Variants in BPIFB6 observed in about 807,000 individuals in gnomAD.
BPIFB6 encodes the protein BPI fold containing family B member 6.
Under a neutral mutation model 54.7 loss-of-function variants are expected in BPIFB6, and 47 were observed. The ratio of observed to expected loss-of-function variants is 0.86; its 90% CI spans 0.68 to 1.10. The LOEUF (loss-of-function observed/expected upper bound fraction) is 1.10, where lower values mean the gene tolerates loss of function less well. BPIFB6 is among the 50% of genes least tolerant of loss of function. BPIFB6 has a pLI of 0.00. For missense variants in BPIFB6, 603 were observed against 564.1 expected (o/e 1.07, Z -0.70); for synonymous variants, 255 against 225.9 (o/e 1.13, Z -1.16).
At position 33,042,847 on chromosome 20, in the gene BPIFB6, T is replaced by C; in HGVS notation, c.1221T>C (p.Tyr407=). Residue 407 remains tyrosine, a synonymous_variant, in exon 13 of 15, where the codon TAT becomes TAC. Transcript: ENST00000349552. The stretch of plus-strand genomic sequence containing the variant: ...AATTAACTGGCTTCATCACCAGCTA[T>C]CTCGAAGAAGCCTACATCCCAGTTG... The part of the protein sequence containing the change: ...ERELTGFITS[Y]LEEAYIPVVN... 1 of 1,614,174 alleles carries C rather than the reference T, an allele frequency of 6.2e-7. No homozygotes were observed. The highest frequency in any genetic ancestry group is 8.5e-7 in the Non-Finnish European group (1 of 1,180,022).
intron 8 of BPIFB6, 132 bp downstream of exon 8, chr20:33,037,870 A>G: frequency 1.0e-6 from 1 of 952,566 alleles, no homozygotes; most frequent in Non-Finnish European, 1.6e-6. Context: ...GACCGATTTG[A>G]GTTTCTCTCA....
chr20:33,041,537 G>A (rs963018275), intron 11 of BPIFB6, among the ~76,000 whole-genome samples: 18 of 152,258 alleles, frequency 1.2e-4, no homozygotes, highest in South Asian at 1.0e-3. Flanking sequence ...GCCACCAGAT[G>A]GCCATCACAT....
At chr20:33,040,930 C>T (rs1347492045) in intron 11 of BPIFB6, among the ~76,000 whole-genome samples, 1 of 151,118 alleles carries the variant, frequency 6.6e-6, no homozygotes, top group Non-Finnish European at 1.5e-5. Context: ...CTTTAACTGG[C>T]TTAAGCCCCA....
At chr20:33,040,677 C>A (rs754388155) in intron 11 of BPIFB6, among the ~76,000 whole-genome samples, 1 of 152,226 alleles carries the variant, frequency 6.6e-6, no homozygotes, top group Non-Finnish European at 1.5e-5. Flanking sequence ...ACCTCCTCCA[C>A]GAAGCCTTTC....
intron 14 of BPIFB6, 62 bp downstream of exon 14, chr20:33,043,429 A>G: frequency 6.8e-7 from 1 of 1,475,132 alleles, no homozygotes. Flanking sequence ...AGTGATGAGC[A>G]AGAGCCTACC....
chr20:33,043,184 T>G, intron 13 of BPIFB6, 107 bp from the exon 14 acceptor site: 1 of 974,652 alleles, frequency 1.0e-6, no homozygotes. Context: ...CTGGCAGGCA[T>G]CATGAATCAA....
rs138205906 is a variant in BPIFB6 at position 33,041,508 on chromosome 20, T to G, written c.1143-462T>G. Among the ~76,000 whole-genome samples, 87 of 152,156 alleles carry G rather than the reference T, an allele frequency of 5.7e-4. 1 individual carries two copies. The highest frequency in any genetic ancestry group is 2.0e-3 in the African/African-American group (82 of 41,512). On this transcript the variant is annotated intron_variant, in intron 11 of 14. Coordinates refer to ENST00000349552, the MANE Select transcript of BPIFB6 (RefSeq NM_174897.2). ...GAAAATGGAGGATGTGTTACTGGAATAGAGAATAGATGAGCAGAGCCACCA... is the reference window on the plus strand; with the variant it reads ...GAAAATGGAGGATGTGTTACTGGAAGAGAGAATAGATGAGCAGAGCCACCA...
intron 1 of BPIFB6, among the ~76,000 whole-genome samples, chr20:33,032,566 C>T (rs1195789182): frequency 2.6e-5 from 4 of 152,164 alleles, no homozygotes; most frequent in East Asian, 1.9e-4. Context: ...GTTTCTCTGT[C>T]GTGTCTGTCC....
chr20:33,036,505 C>T lies in BPIFB6; in HGVS notation c.638C>T (p.Thr213Ile). The change falls in exon 7 of 15, where the codon ACC (threonine) becomes ATC (isoleucine). Residue 213 changes from threonine (T) to isoleucine (I), a missense_variant. Thr to Ile is a moderately conservative substitution (Grantham distance 89). Transcript: ENST00000349552. The part of the protein sequence containing the change: ...VKYVLMSAPA[T>I]TASYIQLDFS... Reference sequence around the variant, plus strand: ...TATGTTCTGATGTCCGCACCAGCCACCACAGCCAGCTACATCCAACTGGAC... The same window carrying T: ...TATGTTCTGATGTCCGCACCAGCCATCACAGCCAGCTACATCCAACTGGAC... The T allele has an allele frequency of 6.2e-7, 1 of 1,614,198 alleles. No homozygotes were observed. Among genetic ancestry groups the T allele is most frequent in the Non-Finnish European group, 8.5e-7 (1 of 1,180,022 alleles).
rs1161128630 is a variant in BPIFB6 at position 33,036,441 on chromosome 20, A to T, written c.578-4A>T. On this transcript the variant is annotated splice_polypyrimidine_tract_variant and splice_region_variant and intron_variant, in intron 6 of 14. Transcript: ENST00000349552. Reference sequence around the variant, plus strand: ...TCTTTGAGTGGAACCTCCTTTTCACACAGACCCCATGCCTGTGGGCCAGAT... The same window carrying T: ...TCTTTGAGTGGAACCTCCTTTTCACTCAGACCCCATGCCTGTGGGCCAGAT... 4 of 1,609,934 alleles carry T rather than the reference A, an allele frequency of 2.5e-6. No homozygotes were observed. The African/African-American group carries it at 5.3e-5, about 22-fold the overall frequency.
chr20:33,034,622 T>G, intron 3 of BPIFB6, 141 bp from the exon 4 acceptor site: 1 of 944,808 alleles, frequency 1.1e-6, no homozygotes. Context: ...CTGGGGCAGG[T>G]CCCATCCCCT....
intron 8 of BPIFB6, 65 bp downstream of exon 8, chr20:33,037,803 T>A: frequency 6.4e-7 from 1 of 1,557,392 alleles, no homozygotes; most frequent in East Asian, 2.2e-5. Flanking sequence ...CTGCCTAGTT[T>A]TTCTATCATG....
intron 2 of BPIFB6, chr20:33,033,322 GA>G: frequency 1.6e-6 from 1 of 610,732 alleles, no homozygotes; most frequent in East Asian, 3.5e-5. Context: ...TCATTTTGAG[GA>G]GGAAATGAGG....
intron 2 of BPIFB6, chr20:33,033,342 T>C (rs1303821195): frequency 3.5e-6 from 2 of 570,058 alleles, no homozygotes; most frequent in Admixed American, 2.2e-5. Flanking sequence ...GGTTGGAAAG[T>C]CAAATTTCAA....
chr20:33,036,402 C>G, intron 6 of BPIFB6, 43 bp from the exon 7 acceptor site: 1 of 1,548,204 alleles, frequency 6.5e-7, no homozygotes, highest in Non-Finnish European at 8.8e-7. Flanking sequence ...TGGGCTGTTC[C>G]TGGGGTTGGT....
At position 33,043,383 on chromosome 20, in the gene BPIFB6, AG is replaced by A; in HGVS notation, c.1329+20del. 3 of 1,610,434 alleles carry A rather than the reference AG, an allele frequency of 1.9e-6. No individual in the cohort carries two copies. Among genetic ancestry groups the A allele is most frequent in the Non-Finnish European group, 2.5e-6 (3 of 1,176,682 alleles). On this transcript the variant is annotated intron_variant, in intron 14 of 14. Transcript: ENST00000349552. ...CATAGTAGAGGTGAGAGGAGGGGCT[AG>A]GGGAGGTCATGTCAATCAACACTGT... is the stretch of plus-strand genomic sequence containing the variant.
chr20:33,040,319 G>A lies in BPIFB6; in HGVS notation c.1142+1G>A. The A allele has an allele frequency of 1.9e-6, 3 of 1,613,798 alleles. No homozygotes were observed. Among genetic ancestry groups the A allele is most frequent in the Non-Finnish European group, 2.5e-6 (3 of 1,179,760 alleles). On this transcript the variant is annotated splice_donor_variant, in intron 11 of 14. Coordinates refer to ENST00000349552, the MANE Select transcript of BPIFB6 (RefSeq NM_174897.2). LOFTEE classifies it high-confidence loss of function. ...TGCAGATGGCCACTTCTTTGGACAG[G>A]TACGACCCTGCTGCCCAATGCTGGC... is the stretch of plus-strand genomic sequence containing the variant.
rs769660686 is a variant in BPIFB6, at chr20:33,035,718, GGATA to G, written c.577+53_577+56del. Reference sequence around the variant, plus strand: ...ACCTTGCCCCTACCTAGGGATATCAGGATAGATAGACTTTGATGTCCCATTCCCC... The same window carrying G: ...ACCTTGCCCCTACCTAGGGATATCAGGATAGACTTTGATGTCCCATTCCCC... On this transcript the variant is annotated intron_variant, in intron 6 of 14. Coordinates refer to ENST00000349552, the MANE Select transcript of BPIFB6 (RefSeq NM_174897.2). 11 of 1,573,020 alleles carry G rather than the reference GGATA, an allele frequency of 7.0e-6. No homozygotes were observed. The African/African-American group carries it at 1.2e-4, about 17-fold the overall frequency.
intron 8 of BPIFB6, 118 bp downstream of exon 8, chr20:33,037,856 G>C (rs1275339627): frequency 8.8e-7 from 1 of 1,136,342 alleles, no homozygotes; most frequent in African/African-American, 1.6e-5. Context: ...ACTGGAAGAT[G>C]CAGGACCGAT....
Sources: gnomAD v4.1 joint callset for allele counts (sites outside exome capture counted in the v4.1 genomes callset) on GRCh38, gnomAD v4.1.1 for gene constraint, MANE v1.5 for transcripts, NCBI Gene and HGNC (gene_info 2026-07-23, HGNC 2026-07-21) for gene names.